The following DRC11 variants were observed in gnomAD, a reference collection of about 807,000 sequenced individuals.
The protein encoded by DRC11 is dynein regulatory complex subunit 11, also known as IQ and AAA domain-containing protein 1.
the DRC11 span, chr2:236,368,591 A>G: frequency 4.0e-6 from 1 of 250,998 alleles, no homozygotes; most frequent in Non-Finnish European, 7.6e-6. Context: ...ATATAGAGTT[A>G]TGTGAAATGG....
At chr2:236,475,557 A>G in the DRC11 span, among the ~76,000 whole-genome samples, 1 of 152,148 alleles carries the variant, frequency 6.6e-6, no homozygotes, top group Non-Finnish European at 1.5e-5. This position sits in a 1 kb window ranked among gnomAD's most constrained non-coding sequence, Gnocchi z 4.8. Context: ...GGTTTTTGCC[A>G]TTACTGTTAA....
At chr2:236,491,153 C>CACACAGTATATATATATATATATATAT in the DRC11 span, among the ~76,000 whole-genome samples, 2 of 52,016 alleles carry the variant, frequency 3.8e-5, no homozygotes, top group African/African-American at 2.1e-4. Context: ...TATATATATA[C>CACACAGTATATATATATATATATATAT]ACACAGTATA....
the DRC11 span, among the ~76,000 whole-genome samples, chr2:236,411,185 C>A: frequency 6.6e-6 from 1 of 151,828 alleles, no homozygotes; most frequent in Non-Finnish European, 1.5e-5. Context: ...ACAATGAACT[C>A]AAACAAATTT....
the DRC11 span, among the ~76,000 whole-genome samples, chr2:236,470,049 G>T: frequency 6.6e-6 from 1 of 152,148 alleles, no homozygotes; most frequent in African/African-American, 2.4e-5. This position sits in a 1 kb window ranked among gnomAD's most constrained non-coding sequence, Gnocchi z 5.1. Context: ...AATTGATGTT[G>T]CTGTAAAAAT....
At chr2:236,415,346 C>G in the DRC11 span, among the ~76,000 whole-genome samples, 1 of 152,174 alleles carries the variant, frequency 6.6e-6, no homozygotes, top group Admixed American at 6.5e-5. The surrounding 1 kb of genome is among the most constrained non-coding windows in gnomAD (Gnocchi z 5.7). Flanking sequence ...TTAGACACAA[C>G]TATTTTCCTC....
the DRC11 span, among the ~76,000 whole-genome samples, chr2:236,505,310 A>G: frequency 6.6e-6 from 1 of 152,234 alleles, no homozygotes; most frequent in Non-Finnish European, 1.5e-5. Context: ...GGAACTCAAA[A>G]TATTGCACAA....
At chr2:236,453,035 C>T in the DRC11 span, among the ~76,000 whole-genome samples, 1 of 152,162 alleles carries the variant, frequency 6.6e-6, no homozygotes, top group African/African-American at 2.4e-5. The surrounding 1 kb of genome is among the most constrained non-coding windows in gnomAD (Gnocchi z 4.9). Context: ...GAAAGATTTT[C>T]CCATTAAAGG....
the DRC11 span, chr2:236,324,494 C>T: frequency 1.8e-5 from 9 of 500,034 alleles, no homozygotes; most frequent in Admixed American, 1.3e-4. The surrounding 1 kb of genome is among the most constrained non-coding windows in gnomAD (Gnocchi z 5.7). Context: ...GGCATAACAG[C>T]ACATGCAGTG....
At chr2:236,348,428 G>T in the DRC11 span, among the ~76,000 whole-genome samples, 3 of 152,194 alleles carry the variant, frequency 2.0e-5, no homozygotes, top group East Asian at 1.9e-4. This position sits in a 1 kb window ranked among gnomAD's most constrained non-coding sequence, Gnocchi z 7.4. Context: ...TCCGAACAGG[G>T]TCACTCCAAC....
the DRC11 span, chr2:236,332,218 G>A: frequency 6.5e-6 from 1 of 152,826 alleles, no homozygotes; most frequent in Non-Finnish European, 1.5e-5. The surrounding 1 kb of genome is among the most constrained non-coding windows in gnomAD (Gnocchi z 5.1). Flanking sequence ...GATGAGTCCT[G>A]GGTGTTCTCT....
the DRC11 span, among the ~76,000 whole-genome samples, chr2:236,422,911 A>G: frequency 6.6e-6 from 1 of 152,060 alleles, no homozygotes; most frequent in African/African-American, 2.4e-5. Flanking sequence ...ATCTACAACT[A>G]TCTGATCTTT....
At chr2:236,395,549 T>G in the DRC11 span, among the ~76,000 whole-genome samples, 1 of 152,202 alleles carries the variant, frequency 6.6e-6, no homozygotes, top group African/African-American at 2.4e-5. Context: ...ACTCCTGCAT[T>G]TGAAGTGAAT....
the DRC11 span, among the ~76,000 whole-genome samples, chr2:236,396,679 A>G: frequency 6.6e-6 from 1 of 152,232 alleles, no homozygotes; most frequent in African/African-American, 2.4e-5. Context: ...AAGTCAGAGT[A>G]TTAAACAGAT....
chr2:236,337,733 T>C, the DRC11 span, among the ~76,000 whole-genome samples: 1 of 151,952 alleles, frequency 6.6e-6, no homozygotes, highest in African/African-American at 2.4e-5. The surrounding 1 kb of genome is among the most constrained non-coding windows in gnomAD (Gnocchi z 4.9). Flanking sequence ...GGAGAAGGAA[T>C]TGAAAAAGTA....
the DRC11 span, among the ~76,000 whole-genome samples, chr2:236,404,499 C>T: frequency 4.6e-5 from 7 of 152,196 alleles, no homozygotes; most frequent in African/African-American, 1.4e-4. Context: ...ATTCGCCCTC[C>T]TGGCCATCTT....
the DRC11 span, among the ~76,000 whole-genome samples, chr2:236,403,057 T>C: frequency 6.6e-6 from 1 of 152,168 alleles, no homozygotes; most frequent in South Asian, 2.1e-4. Flanking sequence ...CAGATTGTTC[T>C]ATGTTTGGTC....
chr2:236,348,564 G>A, the DRC11 span, among the ~76,000 whole-genome samples: 4 of 146,210 alleles, frequency 2.7e-5, no homozygotes, highest in African/African-American at 9.9e-5. The surrounding 1 kb of genome is among the most constrained non-coding windows in gnomAD (Gnocchi z 7.4). Flanking sequence ...AGGAGGGGGC[G>A]GAGCACAAGC....
the DRC11 span, among the ~76,000 whole-genome samples, chr2:236,454,020 T>C: frequency 6.6e-6 from 1 of 152,178 alleles, no homozygotes; most frequent in African/African-American, 2.4e-5. This position sits in a 1 kb window ranked among gnomAD's most constrained non-coding sequence, Gnocchi z 5.3. Flanking sequence ...AGGGCAGCAG[T>C]GACTGCTTAG....
the DRC11 span, chr2:236,332,164 C>T: frequency 6.5e-6 from 1 of 154,314 alleles, no homozygotes; most frequent in African/African-American, 2.4e-5. This position sits in a 1 kb window ranked among gnomAD's most constrained non-coding sequence, Gnocchi z 5.1. Flanking sequence ...TATTCTTTCC[C>T]CCTCAGCAAC....
Sources: allele counts gnomAD v4.1 joint callset (sites outside exome capture counted in the v4.1 genomes callset), GRCh38; gene constraint gnomAD v4.1.1; non-coding constraint Gnocchi (gnomAD v3.1); transcripts MANE v1.5; gene names NCBI Gene and HGNC (gene_info 2026-07-23, HGNC 2026-07-21).